ANO4: variants seen among roughly 807,000 people sequenced by gnomAD.
The protein encoded by ANO4 is anoctamin-4.
ANO4 carries 69 observed loss-of-function variants against 141.9 expected under a neutral mutation model. The ratio of observed to expected loss-of-function variants is 0.49; its 90% CI spans 0.40 to 0.59. The LOEUF (loss-of-function observed/expected upper bound fraction) is 0.59, where lower values mean the gene tolerates loss of function less well. Ranked by LOEUF, ANO4 falls within the 20% of genes least tolerant of loss-of-function variation. ANO4 has a pLI of 0.00. For missense variants in ANO4, 894 were observed against 1,162.2 expected (o/e 0.77, Z 3.36); for synonymous variants, 350 against 394.3 (o/e 0.89, Z 1.33).
At chr12:100,913,052 T>C (rs1593735995) in intron 2 of ANO4, among the ~76,000 whole-genome samples, 2 of 152,226 alleles carry the variant, frequency 1.3e-5, no homozygotes, top group African/African-American at 4.8e-5. Context: ...TTGGTATCTG[T>C]GTTCCTTGCT....
At chr12:100,747,908 A>G (rs1388671392) in intron 3 of ANO4, among the ~76,000 whole-genome samples, 4 of 152,182 alleles carry the variant, frequency 2.6e-5, no homozygotes, top group African/African-American at 9.7e-5. Context: ...AATGAATTCC[A>G]AACATTCCTT....
intron 1 of ANO4, among the ~76,000 whole-genome samples, chr12:100,883,547 G>T (rs1238323761): frequency 5.3e-5 from 8 of 152,182 alleles, no homozygotes; most frequent in African/African-American, 1.9e-4. Context: ...GGGATAAGTG[G>T]CCTCTTGTAC....
intron 1 of ANO4, among the ~76,000 whole-genome samples, chr12:100,727,432 A>G (rs1163897507): frequency 6.6e-6 from 1 of 152,112 alleles, no homozygotes; most frequent in Non-Finnish European, 1.5e-5. Context: ...CACCACCTTT[A>G]TCCTTAATAA....
chr12:100,863,619 CTT>C (rs2038595866), intron 1 of ANO4, among the ~76,000 whole-genome samples: 1 of 151,976 alleles, frequency 6.6e-6, no homozygotes, highest in South Asian at 2.1e-4. Flanking sequence ...AAAGGGCTAA[CTT>C]AGTATATTAT....
At chr12:100,949,795 G>T (rs1000928685) in intron 5 of ANO4, among the ~76,000 whole-genome samples, 3 of 152,114 alleles carry the variant, frequency 2.0e-5, no homozygotes, top group African/African-American at 7.2e-5. Flanking sequence ...ATGTTTATCT[G>T]CTTGGAGAGG....
intron 1 of ANO4, among the ~76,000 whole-genome samples, chr12:100,870,233 C>T (rs1354382798): frequency 6.6e-6 from 1 of 152,166 alleles, no homozygotes; most frequent in East Asian, 1.9e-4. Flanking sequence ...ACATTTTCCT[C>T]TAATATTTTG....
At chr12:100,948,748 C>G (rs906636414) in intron 5 of ANO4, among the ~76,000 whole-genome samples, 4 of 152,192 alleles carry the variant, frequency 2.6e-5, no homozygotes, top group African/African-American at 9.7e-5. Context: ...ACTCTAAAGT[C>G]TGTGATGCCT....
chr12:101,089,989 A>G (rs999364520), intron 17 of ANO4, among the ~76,000 whole-genome samples: 1 of 152,260 alleles, frequency 6.6e-6, no homozygotes, highest in Non-Finnish European at 1.5e-5. Flanking sequence ...CAACAGACAC[A>G]TGAAAAAATG....
chr12:100,788,611 C>T (rs1338327125), intron 3 of ANO4, among the ~76,000 whole-genome samples: 1 of 152,120 alleles, frequency 6.6e-6, no homozygotes, highest in East Asian at 1.9e-4. Context: ...TCAGAGATAG[C>T]TGGAATTTTG....
chr12:100,911,769 A>C (rs1423232359), intron 2 of ANO4, among the ~76,000 whole-genome samples: 4 of 152,126 alleles, frequency 2.6e-5, no homozygotes, highest in Admixed American at 2.0e-4. Context: ...TTAAGGAGAG[A>C]CTTTTAAAAG....
intron 1 of ANO4, among the ~76,000 whole-genome samples, chr12:100,818,600 C>T (rs1186471408): frequency 6.6e-6 from 1 of 151,896 alleles, no homozygotes; most frequent in Non-Finnish European, 1.5e-5. Flanking sequence ...GAAATAGGCA[C>T]TGTTGAGAGA....
intron 17 of ANO4, among the ~76,000 whole-genome samples, chr12:101,088,101 C>A (rs2136908857): frequency 6.6e-6 from 1 of 152,246 alleles, no homozygotes; most frequent in Middle Eastern, 3.4e-3. Context: ...ACAGTGGCCT[C>A]ACGGGCTTTC....
At chr12:100,948,296 T>C (rs60834031) in intron 5 of ANO4, among the ~76,000 whole-genome samples, 2,885 of 152,178 alleles carry the variant, frequency 0.019, 82 homozygotes, top group African/African-American at 0.066. Flanking sequence ...CTTATGCCTC[T>C]AGTAGCCATA....
intron 3 of ANO4, among the ~76,000 whole-genome samples, chr12:100,933,929 C>T (rs1227395385): frequency 6.6e-6 from 1 of 152,142 alleles, no homozygotes; most frequent in African/African-American, 2.4e-5. Context: ...ATATCCTTTG[C>T]CCACTTTTTG....
chr12:100,979,222 C>G (rs2044340696), intron 7 of ANO4, among the ~76,000 whole-genome samples: 1 of 152,082 alleles, frequency 6.6e-6, no homozygotes, highest in Non-Finnish European at 1.5e-5. Flanking sequence ...AGATGAGAAT[C>G]AATTTTGGAT....
chr12:100,809,382 G>C (rs550340370), intron 1 of ANO4, among the ~76,000 whole-genome samples: 189 of 124,098 alleles, frequency 1.5e-3, no homozygotes, highest in Non-Finnish European at 2.5e-3. Flanking sequence ...GCAAGATTCT[G>C]TCTCAAAAAA....
At chr12:100,769,685 A>G (rs547503447) in intron 3 of ANO4, among the ~76,000 whole-genome samples, 1 of 152,334 alleles carries the variant, frequency 6.6e-6, no homozygotes, top group East Asian at 1.9e-4. Context: ...GTGCAGATGC[A>G]TTCTAGAATG....
intron 24 of ANO4, among the ~76,000 whole-genome samples, chr12:101,112,532 G>A (rs2050700465): frequency 1.3e-5 from 2 of 152,126 alleles, no homozygotes; most frequent in South Asian, 4.1e-4. Flanking sequence ...AGGTGTGTTT[G>A]GGGATCACAG....
chr12:100,811,162 C>T (rs937057535), intron 1 of ANO4, among the ~76,000 whole-genome samples: 5 of 152,082 alleles, frequency 3.3e-5, no homozygotes, highest in East Asian at 1.9e-4. Flanking sequence ...GTCACAGAAA[C>T]GGACTCATAG....
Sources: allele counts gnomAD v4.1 joint callset (sites outside exome capture counted in the v4.1 genomes callset), GRCh38; gene constraint gnomAD v4.1.1; transcripts MANE v1.5; gene names NCBI Gene and HGNC (gene_info 2026-07-23, HGNC 2026-07-21).